PCLO: variants seen among roughly 807,000 people sequenced by gnomAD.
PCLO encodes the protein protein piccolo.
In PCLO, 82 loss-of-function variants were observed where a neutral mutation model predicts 427.5. The ratio of observed to expected loss-of-function variants is 0.19; its 90% confidence interval spans 0.16 to 0.23. The LOEUF (loss-of-function observed/expected upper bound fraction) is 0.23. Among genes scored for constraint, PCLO ranks in the 10% least tolerant of loss-of-function variants. The probability of loss-of-function intolerance (pLI) is 1.00; values close to 1 mark genes in which losing one functional copy is unlikely to be tolerated. For synonymous variants in PCLO, 2,357 were observed against 2,155.4 expected, an observed-to-expected ratio of 1.09 and a Z score of -2.59; for missense variants, 6,239 against 6,115.9, an observed-to-expected ratio of 1.02 and a Z score of -0.67.
chr7:83,069,599 A>G (rs1789754421), intron 3 of PCLO, among the ~76,000 whole-genome samples: 1 of 152,222 alleles, frequency 6.6e-6, no homozygotes, highest in Non-Finnish European at 1.5e-5. Context: ...AAACAGGAAT[A>G]TTAACATTTA....
intron 3 of PCLO, among the ~76,000 whole-genome samples, chr7:82,994,574 T>A (rs1413344779): frequency 6.6e-6 from 1 of 150,504 alleles, no homozygotes; most frequent in Non-Finnish European, 1.5e-5. Context: ...CAGATAATTA[T>A]TTTATTTTTT....
At position 82,758,017 on chromosome 7, in the gene PCLO, C is replaced by T. The variant is rs1397694518; in HGVS notation, c.*558G>A. 6.6e-6 allele frequency: 1 copy of T among 152,012 alleles called. No homozygotes were observed. The highest frequency in any genetic ancestry group is 1.9e-4 in the East Asian group (1 of 5,174). 9.4% of individuals were successfully genotyped at this position (152,012 alleles called of 1,614,324 possible). The stretch of plus-strand genomic sequence containing the variant: ...CTGAAAGCCACAATTTCTACATCTC[C>T]TCTTCCATTTTCCCTAAGAACACAG... On this transcript the variant is annotated 3_prime_UTR_variant, in exon 25 of 25. Transcript: ENST00000333891.
intron 22 of PCLO, among the ~76,000 whole-genome samples, chr7:82,793,652 T>TG (rs1472111066): frequency 1.3e-5 from 2 of 152,214 alleles, no homozygotes; most frequent in Admixed American, 6.5e-5. Flanking sequence ...TAACTGCTAA[T>TG]GAACTCTTCA....
chr7:83,050,227 A>AAAAAAAAAAAC (rs1789209262), intron 3 of PCLO, among the ~76,000 whole-genome samples: 5 of 85,620 alleles, frequency 5.8e-5, no homozygotes, highest in Non-Finnish European at 1.1e-4. Context: ...AAAAAAAAAA[A>AAAAAAAAAAAC]AAAAAAAAAA....
In PCLO at chr7:82,789,565, G is replaced by A. The variant is rs554593050; in HGVS notation, c.15007+11953C>T. ...TACTAAAAATACAAAAGTTAACTGGGCGTGGTGGCAGGCACCTGTAATCCA... is the reference window on the plus strand; with the variant it reads ...TACTAAAAATACAAAAGTTAACTGGACGTGGTGGCAGGCACCTGTAATCCA... On this transcript the variant is annotated intron_variant, in intron 22 of 24. Transcript: ENST00000333891. Among the ~76,000 whole-genome samples the A allele has an allele frequency of 7.2e-5, 11 of 152,210 alleles. No homozygotes were observed. In the South Asian group the frequency reaches 2.3e-3, roughly 32 times the overall value.
chr7:82,823,437 A>G (rs1417970700), intron 19 of PCLO, among the ~76,000 whole-genome samples: 1 of 152,200 alleles, frequency 6.6e-6, no homozygotes, highest in African/African-American at 2.4e-5. Context: ...ACTCAAGTCC[A>G]ATATAAAAAT....
intron 22 of PCLO, among the ~76,000 whole-genome samples, chr7:82,799,544 C>T (rs1002759350): frequency 1.3e-5 from 2 of 152,038 alleles, no homozygotes; most frequent in African/African-American, 4.8e-5. Context: ...TTGTGCTGGC[C>T]CTATACTTAT....
At chr7:82,765,723 A>C (rs181524882) in intron 22 of PCLO, among the ~76,000 whole-genome samples, 1 of 152,152 alleles carries the variant, frequency 6.6e-6, no homozygotes. Context: ...TGTGAGGGCA[A>C]ATTCAGTTCT....
At chr7:82,981,145 T>G (rs966444195) in intron 3 of PCLO, among the ~76,000 whole-genome samples, 2 of 151,688 alleles carry the variant, frequency 1.3e-5, no homozygotes, top group Non-Finnish European at 2.9e-5. Flanking sequence ...AAAAAGAGTA[T>G]AGGCAACAGA....
chr7:83,101,322 G>A (rs796628425), intron 3 of PCLO, among the ~76,000 whole-genome samples: 2 of 151,844 alleles, frequency 1.3e-5, no homozygotes, highest in African/African-American at 2.4e-5. Flanking sequence ...ATATGTCAAC[G>A]TTCTATTATA....
intron 6 of PCLO, among the ~76,000 whole-genome samples, chr7:82,946,199 C>T (rs1795197217): frequency 6.6e-6 from 1 of 152,144 alleles, no homozygotes; most frequent in African/African-American, 2.4e-5. Context: ...CCAAGTACAG[C>T]AATGAAAAGA....
intron 22 of PCLO, among the ~76,000 whole-genome samples, chr7:82,789,835 T>C (rs1042040721): frequency 7.2e-5 from 11 of 152,226 alleles, no homozygotes; most frequent in Non-Finnish European, 1.6e-4. Context: ...CGTGAAGGTT[T>C]GCTTTTCATC....
chr7:82,904,816 A>C (rs895669120), intron 8 of PCLO, among the ~76,000 whole-genome samples: 4 of 152,024 alleles, frequency 2.6e-5, no homozygotes, highest in African/African-American at 9.7e-5. Context: ...ATTTTCTTGA[A>C]TATTGCTTTA....
intron 10 of PCLO, among the ~76,000 whole-genome samples, chr7:82,877,640 A>G (rs1793404825): frequency 6.6e-6 from 1 of 152,014 alleles, no homozygotes; most frequent in African/African-American, 2.4e-5. Context: ...TCTTTTATGA[A>G]TGCCATTAGA....
chr7:83,116,666 T>C (rs1791142161), intron 3 of PCLO, among the ~76,000 whole-genome samples: 1 of 152,184 alleles, frequency 6.6e-6, no homozygotes, highest in Admixed American at 6.6e-5. Context: ...TCCACTCTTT[T>C]AGCATTTTTC....
Position 82,756,816 on chromosome 7 carries a change from C to A in PCLO, c.*1759G>T, listed in dbSNP as rs1790328650. 6.6e-6 allele frequency: 1 copy of A among 151,872 alleles called. No individual in the cohort carries two copies. Among genetic ancestry groups the A allele is most frequent in the South Asian group, 2.1e-4 (1 of 4,808 alleles). 9.4% of individuals were successfully genotyped at this position (151,872 alleles called of 1,614,324 possible). On this transcript the variant is annotated 3_prime_UTR_variant, in exon 25 of 25. Coordinates refer to ENST00000333891, the MANE Select transcript of PCLO (RefSeq NM_033026.6). ...GCATTATTCATTTAATTTGGGATAGCAAAATTTGCATTTTCATGTAATTCT... is the reference window on the plus strand; with the variant it reads ...GCATTATTCATTTAATTTGGGATAGAAAAATTTGCATTTTCATGTAATTCT...
At chr7:82,991,796 A>G (rs1248612889) in intron 3 of PCLO, among the ~76,000 whole-genome samples, 1 of 152,174 alleles carries the variant, frequency 6.6e-6, no homozygotes, top group Admixed American at 6.6e-5. Context: ...GCAATACTTC[A>G]TAATGCAAAT....
At chr7:82,944,073 G>A (rs1795144913) in intron 6 of PCLO, among the ~76,000 whole-genome samples, 1 of 146,372 alleles carries the variant, frequency 6.8e-6, no homozygotes, top group African/African-American at 2.6e-5. Flanking sequence ...CTTGAACCCA[G>A]GAGTTGCAGG....
chr7:82,878,621 A>G (rs1252715895), intron 10 of PCLO, among the ~76,000 whole-genome samples: 1 of 152,132 alleles, frequency 6.6e-6, no homozygotes, highest in Admixed American at 6.6e-5. Flanking sequence ...ACTGAATGAA[A>G]ATGATTAAGT....
Sources: allele counts gnomAD v4.1 joint callset (sites outside exome capture counted in the v4.1 genomes callset), GRCh38; gene constraint gnomAD v4.1.1; transcripts MANE v1.5; gene names NCBI Gene and HGNC (gene_info 2026-07-23, HGNC 2026-07-21).